Variants in TBXAS1 observed in about 807,000 individuals in gnomAD.
TBXAS1 encodes the protein thromboxane-A synthase.
Under a neutral mutation model 60.7 loss-of-function variants are expected in TBXAS1, and 48 were observed. The observed-to-expected ratio is 0.79, with a 90% CI of 0.63 to 1.01. The LOEUF is 1.01. Ranked by LOEUF, TBXAS1 falls within the 50% of genes least tolerant of loss-of-function variation. The probability of loss-of-function intolerance (pLI) is 0.00; values close to 1 mark genes in which losing one functional copy is unlikely to be tolerated. For missense variants in TBXAS1, 685 were observed against 686.3 expected, an observed-to-expected ratio of 1.00 and a Z score of 0.02; for synonymous variants, 287 against 269.7, an observed-to-expected ratio of 1.06 and a Z score of -0.63.
chr7:139,981,128 G>C (rs753984022), intron 9 of TBXAS1, among the ~76,000 whole-genome samples: 15 of 152,128 alleles, frequency 9.9e-5, no homozygotes, highest in Non-Finnish European at 1.6e-4. Flanking sequence ...TTATTTTTGA[G>C]ACACAGTCTT....
At chr7:139,997,756 T>C (rs1306209619) in intron 9 of TBXAS1, among the ~76,000 whole-genome samples, 1 of 152,224 alleles carries the variant, frequency 6.6e-6, no homozygotes, top group Non-Finnish European at 1.5e-5. Flanking sequence ...AGGCTGCTTT[T>C]CAACTGATTC....
At chr7:139,779,704 A>G (rs1167851418) in intron 1 of TBXAS1, among the ~76,000 whole-genome samples, 1 of 152,190 alleles carries the variant, frequency 6.6e-6, no homozygotes, top group Admixed American at 6.5e-5. Context: ...GGTTCTGGCC[A>G]TGCCACGCTC....
intron 1 of TBXAS1, among the ~76,000 whole-genome samples, chr7:139,867,331 G>T (rs941945780): frequency 6.6e-6 from 1 of 152,162 alleles, no homozygotes; most frequent in Non-Finnish European, 1.5e-5. Context: ...CGAGCGGAGG[G>T]GCCGGCTGGA....
intron 4 of TBXAS1, among the ~76,000 whole-genome samples, chr7:139,925,924 T>C (rs752718455): frequency 7.4e-4 from 112 of 152,236 alleles, no homozygotes; most frequent in Non-Finnish European, 3.5e-4. Context: ...TCCATTGATA[T>C]GATGTATCAC....
chr7:140,002,881 T>C (rs1250160063), intron 9 of TBXAS1, among the ~76,000 whole-genome samples: 2 of 151,906 alleles, frequency 1.3e-5, no homozygotes, highest in Non-Finnish European at 2.9e-5. Context: ...CCCAGCACTT[T>C]GGGAGGCCGA....
Position 139,909,197 on chromosome 7 carries a change from T to C in TBXAS1, c.237-2028T>C, listed in dbSNP as rs1584827078. Among the ~76,000 whole-genome samples the C allele has an allele frequency of 3.3e-5, 5 of 152,234 alleles. No individual in the cohort carries two copies. In the South Asian group the frequency reaches 1.0e-3, roughly 31 times the overall value. On this transcript the variant is annotated intron_variant, in intron 3 of 12. Coordinates refer to ENST00000448866, the MANE Select transcript of TBXAS1 (RefSeq NM_001061.7). ...GTTGAGATTCACTCAGCTTCTTGAA[T>C]ATGTAGGTTTATGTCTTTTGCAAAA... is the stretch of plus-strand genomic sequence containing the variant.
At chr7:139,950,728 ACCCCC>A (rs1809166431) in intron 5 of TBXAS1, among the ~76,000 whole-genome samples, 4 of 118,550 alleles carry the variant, frequency 3.4e-5, no homozygotes, top group Non-Finnish European at 7.2e-5. Context: ...CATCTACGGG[ACCCCC>A]TCGCCCTCCA....
chr7:139,970,354 G>A (rs867493292), intron 9 of TBXAS1, among the ~76,000 whole-genome samples: 2 of 152,180 alleles, frequency 1.3e-5, no homozygotes, highest in Admixed American at 6.5e-5. Context: ...TGATCTGCCC[G>A]CCTCGGCCTC....
intron 9 of TBXAS1, among the ~76,000 whole-genome samples, chr7:139,976,577 C>T (rs1811579675): frequency 6.6e-6 from 1 of 152,186 alleles, no homozygotes; most frequent in Non-Finnish European, 1.5e-5. Context: ...TTCTCCTGTG[C>T]ATGCCACCGG....
intron 4 of TBXAS1, among the ~76,000 whole-genome samples, chr7:139,912,682 G>T (rs945565903): frequency 3.9e-5 from 6 of 152,146 alleles, no homozygotes; most frequent in Non-Finnish European, 8.8e-5. Flanking sequence ...CAGGCCACCA[G>T]GATGCAGACA....
chr7:139,894,536 A>T (rs2267689), intron 3 of TBXAS1, among the ~76,000 whole-genome samples: 83,461 of 151,966 alleles, frequency 0.55, 23,515 homozygotes, highest in African/African-American at 0.67. Context: ...ACCTGCGTTT[A>T]TTCCCCTGAT....
chr7:139,972,204 TC>T lies in TBXAS1; in HGVS notation c.1134+9974del, dbSNP rs564391995. 2.1e-4 allele frequency among the ~76,000 whole-genome samples: 32 copies of T among 152,312 alleles called. No individual in the cohort carries two copies. In the South Asian group the frequency reaches 6.6e-3, roughly 32 times the overall value. ...AGGGGCACCTGCAAAGAGAAGTCTC[TC>T]CCAGGAATGGGTCACACCAATCAGC... On this transcript the variant is annotated intron_variant, in intron 9 of 12. Transcript: ENST00000448866.
chr7:139,957,608 T>C, intron 7 of TBXAS1, 26 bp from the exon 8 acceptor site: 1 of 1,614,018 alleles, frequency 6.2e-7, no homozygotes, highest in Non-Finnish European at 8.5e-7. Context: ...CCCTTTTCAA[T>C]GCCACTTTTG....
intron 4 of TBXAS1, among the ~76,000 whole-genome samples, chr7:139,927,296 G>A (rs1314210076): frequency 6.6e-6 from 1 of 151,666 alleles, no homozygotes; most frequent in African/African-American, 2.4e-5. Context: ...ACACTTTTGT[G>A]TATCTATTGT....
intron 9 of TBXAS1, among the ~76,000 whole-genome samples, chr7:139,995,940 A>AC (rs1178752099): frequency 2.0e-5 from 3 of 151,666 alleles, no homozygotes; most frequent in African/African-American, 7.3e-5. Context: ...TCATCCTGCG[A>AC]CCCCACTGAC....
intron 4 of TBXAS1, among the ~76,000 whole-genome samples, chr7:139,794,216 C>G (rs771197699): frequency 2.0e-5 from 3 of 152,020 alleles, no homozygotes; most frequent in Non-Finnish European, 2.9e-5. Context: ...ATTCTCCTAC[C>G]TCAGCTCCCA....
intron 5 of TBXAS1, among the ~76,000 whole-genome samples, chr7:139,940,697 G>GT (rs1389284087): frequency 8.5e-5 from 13 of 152,100 alleles, no homozygotes; most frequent in Non-Finnish European, 1.6e-4. Flanking sequence ...CCTGTTTATT[G>GT]TATGTCCCCT....
intron 4 of TBXAS1, chr7:139,787,570 G>T (rs2117237310): frequency 6.6e-6 from 1 of 152,256 alleles, no homozygotes. Flanking sequence ...TGACTAACAA[G>T]ATGGCACCAC....
chr7:139,953,649 A>G, intron 6 of TBXAS1, 193 bp downstream of exon 6: 1 of 579,872 alleles, frequency 1.7e-6, no homozygotes, highest in Non-Finnish European at 3.1e-6. Flanking sequence ...GAGCAGAGCC[A>G]GGGTACGTGC....
Sources: allele counts gnomAD v4.1 joint callset (sites outside exome capture counted in the v4.1 genomes callset), GRCh38; gene constraint gnomAD v4.1.1; transcripts MANE v1.5; gene names NCBI Gene and HGNC (gene_info 2026-07-23, HGNC 2026-07-21).